The following ITGA5 variants were observed in gnomAD, a reference collection of about 807,000 sequenced individuals.
The protein encoded by ITGA5 is integrin subunit alpha 5, also known as integrin alpha-5.
A neutral mutation model predicts 146.3 loss-of-function variants in ITGA5; 55 were observed. That is an observed-to-expected ratio of 0.38 (90% CI 0.30 to 0.47). ITGA5 has a LOEUF of 0.47. Ranked by LOEUF, ITGA5 falls within the 20% of genes least tolerant of loss-of-function variation. The pLI is 0.99. For synonymous variants in ITGA5, 500 were observed against 531.8 expected (o/e 0.94, Z 0.82); for missense variants, 1,131 against 1,329.0 (o/e 0.85, Z 2.32).
chr12:54,398,488 T>C, intron 28 of ITGA5, 109 bp downstream of exon 28: 1 of 725,238 alleles, frequency 1.4e-6, no homozygotes, highest in Non-Finnish European at 2.3e-6. Context: ...CATAGTACAT[T>C]CTCAACAGTT....
rs111500291 is a variant in ITGA5 at position 54,418,016 on chromosome 12, T to C, written c.218+965A>G. Among the ~76,000 whole-genome samples, 405 of 152,198 alleles carry C rather than the reference T, an allele frequency of 2.7e-3. 2 individuals carry two copies. Among genetic ancestry groups the C allele is most frequent in the African/African-American group, 9.1e-3 (379 of 41,494 alleles). On this transcript the variant is annotated intron_variant, in intron 1 of 29. Transcript: ENST00000293379. ...CACTGTGCTGAGTTGGGAATAAGGA[T>C]CCTCCTTTGAGATTTCCAGGGTCCT...
chr12:54,402,210 A>G lies in ITGA5; in HGVS notation c.2103T>C (p.Ala701=), dbSNP rs1027071410. The G allele has an allele frequency of 6.2e-7, 1 of 1,613,994 alleles. No individual in the cohort carries two copies. The highest frequency in any genetic ancestry group is 8.5e-7 in the Non-Finnish European group (1 of 1,179,920). The change falls in exon 20 of 30, where the codon GCT becomes GCC. Residue 701 remains alanine (A), a synonymous_variant. Coordinates refer to ENST00000293379, the MANE Select transcript of ITGA5 (RefSeq NM_002205.5). The part of the protein sequence containing the change: ...AELRVTAPPE[A]EYSGLVRHPG... ...GGTGTCTGACGAGTCCTGAGTACTC[A>G]GCCTCTGGAGGGGCGGTGACCCGAA...
intron 29 of ITGA5, 72 bp from the exon 30 acceptor site, chr12:54,396,448 G>C: frequency 7.9e-7 from 1 of 1,259,840 alleles, no homozygotes. Context: ...ATTCCAAGAA[G>C]TAATAAGGAG....
rs368030907 is a variant in ITGA5 at position 54,399,553 on chromosome 12, A to C, written c.2841+92T>G. ...CTGGAGTGCTGGGTCCCATTCACCA[A>C]AGGAGAGGTGGCTACTGCAGTGGAG... On this transcript the variant is annotated intron_variant, in intron 27 of 29. Coordinates refer to ENST00000293379, the MANE Select transcript of ITGA5 (RefSeq NM_002205.5). 4.2e-4 allele frequency: 369 copies of C among 888,786 alleles called. 4 individuals are homozygous for C. In the South Asian group the frequency reaches 4.8e-3, roughly 12 times the overall value. 55.1% of individuals were successfully genotyped at this position (888,786 alleles called of 1,614,324 possible). A position where few individuals can be genotyped will look rare whatever the true frequency, so the allele number is the denominator to read the frequency against.
At chr12:54,410,347 C>CT (rs68135389) in intron 2 of ITGA5, among the ~76,000 whole-genome samples, 116,302 of 132,958 alleles carry the variant, frequency 0.87, 51,213 homozygotes, top group East Asian at 0.93. Context: ...GTTCCACCTC[C>CT]TTTTTTTTTT....
intron 1 of ITGA5, among the ~76,000 whole-genome samples, chr12:54,413,612 GC>G (rs1955973676): frequency 6.6e-6 from 1 of 152,164 alleles, no homozygotes; most frequent in African/African-American, 2.4e-5. Flanking sequence ...TGGCTGCACC[GC>G]CCTAGGGCTG....
intron 11 of ITGA5, 68 bp downstream of exon 11, chr12:54,405,596 G>A: frequency 7.2e-7 from 1 of 1,387,162 alleles, no homozygotes; most frequent in Non-Finnish European, 1.0e-6. Flanking sequence ...TGCATTTTCT[G>A]TCCCATTCCC....
chr12:54,409,651 G>A lies in ITGA5; in HGVS notation c.350-54C>T. The A allele has an allele frequency of 8.0e-7, 1 of 1,242,794 alleles. No homozygotes were observed. Among genetic ancestry groups the A allele is most frequent in the Non-Finnish European group, 1.2e-6 (1 of 866,632 alleles). 77.0% of individuals were successfully genotyped at this position (1,242,794 alleles called of 1,614,324 possible). A position where few individuals can be genotyped will look rare whatever the true frequency, so the allele number is the denominator to read the frequency against. On this transcript the variant is annotated intron_variant, in intron 2 of 29. Coordinates refer to ENST00000293379, the MANE Select transcript of ITGA5 (RefSeq NM_002205.5). This position sits in a 1 kb window ranked among gnomAD's most constrained non-coding sequence, Gnocchi z 4.7. Reference sequence around the variant, plus strand: ...CTGAGCCATGGACATTTGAGCTCTAGGGCAGCCCCTACCCTCAGCCTGGGG... The same window carrying A: ...CTGAGCCATGGACATTTGAGCTCTAAGGCAGCCCCTACCCTCAGCCTGGGG...
In ITGA5 at chr12:54,403,886, G is replaced by A. The variant is rs749749802; in HGVS notation, c.1621+25C>T. Reference sequence around the variant, plus strand: ...CCCTTCATTCTCTGTCCTAGGGCCTGAGAGATCCAGGCAGTCTCCCTCACC... The same window carrying A: ...CCCTTCATTCTCTGTCCTAGGGCCTAAGAGATCCAGGCAGTCTCCCTCACC... On this transcript the variant is annotated intron_variant, in intron 16 of 29. Transcript: ENST00000293379. The surrounding 1 kb of genome is among the most constrained non-coding windows in gnomAD (Gnocchi z 4.9). 9.9e-6 allele frequency: 16 copies of A among 1,613,850 alleles called. No homozygotes were observed. The highest frequency in any genetic ancestry group is 5.9e-6 in the Non-Finnish European group (7 of 1,179,734).
At chr12:54,411,290 C>T (rs937217050) in intron 2 of ITGA5, among the ~76,000 whole-genome samples, 2 of 152,182 alleles carry the variant, frequency 1.3e-5, no homozygotes, top group Admixed American at 6.5e-5. Context: ...GATAATAATA[C>T]CTTATACAGT....
Position 54,409,550 on chromosome 12 carries a change from G to A in ITGA5, c.397C>T (p.Pro133Ser), listed in dbSNP as rs1277257673. 6.2e-7 allele frequency: 1 copy of A among 1,613,796 alleles called. No homozygotes were observed. The highest frequency in any genetic ancestry group is 8.5e-7 in the Non-Finnish European group (1 of 1,179,982). Residue 133 changes from proline (P) to serine (S), a missense_variant, in exon 3 of 30, where the codon CCT (proline) becomes TCT (serine). Physicochemically the swap from Pro to Ser is moderately conservative, Grantham distance 74. Transcript: ENST00000293379. This position sits in a 1 kb window ranked among gnomAD's most constrained non-coding sequence, Gnocchi z 4.7. ...CACTGCAAGGACTTGTACTCCACAG[G>A]CTCCTCTCCCTCTGAGCTGGACAGT... ...SSLSSSEGEE[P>S]VEYKSLQWFG... is the part of the protein sequence containing the mutation.
At chr12:54,406,874 C>A (rs988995271) in intron 9 of ITGA5, among the ~76,000 whole-genome samples, 1 of 152,180 alleles carries the variant, frequency 6.6e-6, no homozygotes, top group South Asian at 2.1e-4. Context: ...ATTCTTTCCC[C>A]TAAACTGCTA....
At chr12:54,400,784 A>C in intron 25 of ITGA5, 62 bp downstream of exon 25, 1 of 1,554,022 alleles carries the variant, frequency 6.4e-7, no homozygotes, top group Non-Finnish European at 8.8e-7. Flanking sequence ...ACCTTCCCCA[A>C]CCCCTCAGCC....
chr12:54,403,636 T>A lies in ITGA5; in HGVS notation c.1765A>T (p.Ile589Phe). 1 of 1,613,924 alleles carries A rather than the reference T, an allele frequency of 6.2e-7. No homozygotes were observed. ...CCTCTGGGCCATACCCTGAGGTAGA[T>A]CTTCATCTCTCTGCAATCCTCTCGA... ...GAREDCREMKIYLRNESEFRD... is the reference protein window; with the variant it reads ...GAREDCREMKFYLRNESEFRD... The change falls in exon 17 of 30, where the codon ATC becomes TTC. Residue 589 changes from isoleucine to phenylalanine, a missense_variant. Ile to Phe is a conservative substitution (Grantham distance 21). Around this residue, in one of 3 missense-constraint regions of ITGA5, gnomAD observed 889 missense variants for 1,021.5 expected, o/e 0.87. Transcript: ENST00000293379. The surrounding 1 kb of genome is among the most constrained non-coding windows in gnomAD (Gnocchi z 4.9).
intron 1 of ITGA5, among the ~76,000 whole-genome samples, chr12:54,414,175 C>T (rs368539301): frequency 1.1e-3 from 169 of 152,362 alleles, no homozygotes; most frequent in African/African-American, 3.9e-3. Flanking sequence ...GTGGCCCTTC[C>T]ATCCCAGCAA....
Position 54,401,982 on chromosome 12 carries a change from T to A in ITGA5, c.2226+19A>T, listed in dbSNP as rs747227611. On this transcript the variant is annotated intron_variant, in intron 21 of 29. Coordinates refer to ENST00000293379, the MANE Select transcript of ITGA5 (RefSeq NM_002205.5). The surrounding 1 kb of genome is among the most constrained non-coding windows in gnomAD (Gnocchi z 5.0). ...GGTCTGCTCTCCCTCTGTCCCATCC[T>A]CTTTCATCCCAAACTTACACTGGCT... 5 of 1,613,194 alleles carry A rather than the reference T, an allele frequency of 3.1e-6. No homozygotes were observed. The highest frequency in any genetic ancestry group is 4.2e-6 in the Non-Finnish European group (5 of 1,179,160).
chr12:54,405,236 G>A lies in ITGA5; in HGVS notation c.1155C>T (p.Gly385=), dbSNP rs1475677786. The A allele has an allele frequency of 1.2e-6, 2 of 1,613,298 alleles. No homozygotes were observed. Among genetic ancestry groups the A allele is most frequent in the Non-Finnish European group, 8.5e-7 (1 of 1,179,524 alleles). ...IEPTPTLTLT[G]HDEFGRFGSS... is the part of the protein sequence containing the mutation. ...TGCCAAATCGGCCAAACTCATCATG[G>A]CCAGTGAGGGTAAGGGTGGGCGTGG... The change falls in exon 12 of 30, where the codon GGC becomes GGT. Residue 385 remains glycine, a synonymous_variant. Transcript: ENST00000293379.
intron 2 of ITGA5, among the ~76,000 whole-genome samples, chr12:54,410,245 G>A (rs1955925289): frequency 6.6e-6 from 1 of 152,154 alleles, no homozygotes; most frequent in African/African-American, 2.4e-5. Flanking sequence ...AGGGGCAGGA[G>A]GATGGTGGGG....
chr12:54,397,401 G>A lies in ITGA5; in HGVS notation c.3030C>T (p.Leu1010=). 6.2e-7 allele frequency: 1 copy of A among 1,614,146 alleles called. No individual in the cohort carries two copies. Among genetic ancestry groups the A allele is most frequent in the Admixed American group, 1.7e-5 (1 of 60,022 alleles). Residue 1010 remains leucine, a synonymous_variant, in exon 29 of 30, where the codon CTC becomes CTT. Coordinates refer to ENST00000293379, the MANE Select transcript of ITGA5 (RefSeq NM_002205.5). The part of the protein sequence containing the change: ...WIIILAILFG[L]LLLGLLIYIL... ...TGTAGATGAGTAGACCTAGGAGCAG[G>A]AGGCCAAACAGGATGGCTAGGATGA...
Sources: allele counts gnomAD v4.1 joint callset (sites outside exome capture counted in the v4.1 genomes callset), GRCh38; gene constraint gnomAD v4.1.1; regional missense constraint gnomAD v4.1.1; non-coding constraint Gnocchi (gnomAD v3.1); transcripts MANE v1.5; gene names NCBI Gene and HGNC (gene_info 2026-07-23, HGNC 2026-07-21).